Variants in LRRK1 observed in about 807,000 individuals in gnomAD.
The protein encoded by LRRK1 is leucine-rich repeat serine/threonine-protein kinase 1.
Under a neutral mutation model 209.1 loss-of-function variants are expected in LRRK1, and 113 were observed. The ratio of observed to expected loss-of-function variants is 0.54; its 90% CI spans 0.46 to 0.63. LRRK1 has a LOEUF of 0.63. Among genes scored for constraint, LRRK1 ranks in the 30% least tolerant of loss-of-function variants. LRRK1 has a pLI of 0.00. For missense variants in LRRK1, 2,284 were observed against 2,632.2 expected (o/e 0.87, Z 2.89); for synonymous variants, 1,144 against 1,099.7 (o/e 1.04, Z -0.80).
At chr15:101,053,170 G>C in intron 25 of LRRK1, 53 bp from the exon 26 acceptor site, 1 of 1,591,578 alleles carries the variant, frequency 6.3e-7, no homozygotes, top group South Asian at 1.1e-5. Context: ...AGAGAGGCCT[G>C]AGGCTGCAGG....
chr15:100,972,793 A>G (rs902277014), intron 2 of LRRK1, among the ~76,000 whole-genome samples: 11 of 152,180 alleles, frequency 7.2e-5, no homozygotes, highest in Non-Finnish European at 1.2e-4. Flanking sequence ...CCACACAGTC[A>G]GAATTCAACT....
chr15:101,033,338 C>T (rs565122752), intron 20 of LRRK1, among the ~76,000 whole-genome samples: 2 of 152,226 alleles, frequency 1.3e-5, no homozygotes, highest in African/African-American at 2.4e-5. Context: ...TGCTAACTAT[C>T]GTCACCCTAG....
At chr15:101,023,741 T>C (rs1410803445) in intron 15 of LRRK1, among the ~76,000 whole-genome samples, 4 of 152,326 alleles carry the variant, frequency 2.6e-5, no homozygotes, top group Admixed American at 2.6e-4. Flanking sequence ...AAAGTAGGCA[T>C]TGAAGCTGTG....
chr15:100,999,737 A>ATGTT (rs1022875040), intron 6 of LRRK1, among the ~76,000 whole-genome samples: 1 of 152,182 alleles, frequency 6.6e-6, no homozygotes, highest in African/African-American at 2.4e-5. Flanking sequence ...GTTTCATACA[A>ATGTT]TGTTTGTTTT....
At chr15:100,926,388 G>A (rs1216318039) in intron 2 of LRRK1, among the ~76,000 whole-genome samples, 1 of 152,090 alleles carries the variant, frequency 6.6e-6, no homozygotes, top group Non-Finnish European at 1.5e-5. Context: ...CGAGGGTGGG[G>A]ACAGGGACCT....
intron 21 of LRRK1, among the ~76,000 whole-genome samples, chr15:101,047,821 G>A: frequency 6.6e-6 from 1 of 152,178 alleles, no homozygotes; most frequent in East Asian, 1.9e-4. Flanking sequence ...AATCCGACTG[G>A]TAAACATCTA....
At position 101,012,653 on chromosome 15, in the gene LRRK1, CCTGCA is replaced by C. The variant is rs1567231957; in HGVS notation, c.1419+510_1419+514del. ...CCCCCAGGCAGAGTGCCCAGGCCAC[CCTGCA>C]CAGGCTTCAGCCCCCGGTCCTGCCA... On this transcript the variant is annotated intron_variant, in intron 10 of 33. Coordinates refer to ENST00000388948, the MANE Select transcript of LRRK1 (RefSeq NM_024652.6). Among the ~76,000 whole-genome samples, 4 of 6,026 alleles carry C rather than the reference CCTGCA, an allele frequency of 6.6e-4. No homozygotes were observed. The Non-Finnish European group carries it at 6.8e-3, about 10-fold the overall frequency. 4.0% of individuals were successfully genotyped at this position (6,026 alleles called of 152,430 possible).
intron 20 of LRRK1, among the ~76,000 whole-genome samples, chr15:101,041,671 A>C (rs2034762159): frequency 6.6e-6 from 1 of 152,092 alleles, no homozygotes; most frequent in African/African-American, 2.4e-5. Context: ...CACCCTCTGT[A>C]CTCTTGCTGT....
In LRRK1 at chr15:101,027,489, G is replaced by T; in HGVS notation, c.2526+108G>T. ...AGCCCATGTCTGTGTGGCAAGGCTC[G>T]GTGGTTCCTGGTGAGGGAGGGTCAG... On this transcript the variant is annotated intron_variant, in intron 18 of 33. Coordinates refer to ENST00000388948, the MANE Select transcript of LRRK1 (RefSeq NM_024652.6). This position sits in a 1 kb window ranked among gnomAD's most constrained non-coding sequence, Gnocchi z 5.1. 1 of 1,515,930 alleles carries T rather than the reference G, an allele frequency of 6.6e-7. No homozygotes were observed. The highest frequency in any genetic ancestry group is 8.9e-7 in the Non-Finnish European group (1 of 1,125,080). The allele number at this position is 1,515,930 out of a possible 1,614,324, so 93.9% of individuals were successfully genotyped here. A position where few individuals can be genotyped will look rare whatever the true frequency, so the allele number is the denominator to read the frequency against.
intron 29 of LRRK1, among the ~76,000 whole-genome samples, chr15:101,060,591 G>A (rs983314824): frequency 5.9e-5 from 9 of 152,212 alleles, no homozygotes; most frequent in Admixed American, 2.0e-4. Context: ...TGCGTGATGC[G>A]GGGTACATAA....
chr15:101,056,707 A>G lies in LRRK1; in HGVS notation c.4333-149A>G, dbSNP rs145391139. ...AGAAAGTGGTCAGATAGGTGGATGG[A>G]TAAATGGATAGAGGGACATGGTCAG... is the stretch of plus-strand genomic sequence containing the variant. On this transcript the variant is annotated intron_variant, in intron 27 of 33. Transcript: ENST00000388948. 7.3e-4 allele frequency: 416 copies of G among 566,300 alleles called. 5 individuals carry two copies. The East Asian group carries it at 9.1e-3, about 12-fold the overall frequency. The allele number at this position is 566,300 out of a possible 1,614,324, so 35.1% of individuals were successfully genotyped here.
rs1188820322 is a variant in LRRK1 at position 101,012,039 on chromosome 15, A to G, written c.1313A>G (p.Glu438Gly). ...TGTAAAGCTTCCAGAAATGCCCTGG[A>G]ATGTCTGCCAGACAAAATGGCTGTC... The part of the protein sequence containing the change: ...KCCKASRNAL[E>G]CLPDKMAVFW... Residue 438 changes from glutamate to glycine, a missense_variant, in exon 10 of 34, where the codon GAA becomes GGA. This residue lies in a region of LRRK1 where 494 missense variants were observed against 522.1 expected (regional missense o/e 0.95). Coordinates refer to ENST00000388948, the MANE Select transcript of LRRK1 (RefSeq NM_024652.6). 8 of 1,609,296 alleles carry G rather than the reference A, an allele frequency of 5.0e-6. No homozygotes were observed. Among genetic ancestry groups the G allele is most frequent in the Non-Finnish European group, 6.8e-6 (8 of 1,178,058 alleles).
At position 101,026,051 on chromosome 15, in the gene LRRK1, G is replaced by T. The variant is rs56251243; in HGVS notation, c.2319G>T (p.Thr773=). Residue 773 remains threonine, a synonymous_variant, in exon 17 of 34, where the codon ACG becomes ACT. Transcript: ENST00000388948. The part of the protein sequence containing the change: ...EAKFRVERIA[T]LRAYVLALCR... Reference sequence around the variant, plus strand: ...AGTTCCGTGTGGAAAGGATTGCAACGCTGCGTGCCTATGTGCTGGCACTCT... The same window carrying T: ...AGTTCCGTGTGGAAAGGATTGCAACTCTGCGTGCCTATGTGCTGGCACTCT... 6.2e-7 allele frequency: 1 copy of T among 1,614,242 alleles called. No individual in the cohort carries two copies. Among genetic ancestry groups the T allele is most frequent in the Non-Finnish European group, 8.5e-7 (1 of 1,180,022 alleles).
At chr15:101,012,354 G>T (rs1395903548) in intron 10 of LRRK1, among the ~76,000 whole-genome samples, 4 of 152,224 alleles carry the variant, frequency 2.6e-5, no homozygotes, top group African/African-American at 7.2e-5. Flanking sequence ...TCAGGTGGTG[G>T]TGGGGTTATG....
chr15:101,047,156 C>T (rs1021123928), intron 21 of LRRK1, among the ~76,000 whole-genome samples: 1 of 152,222 alleles, frequency 6.6e-6, no homozygotes, highest in Non-Finnish European at 1.5e-5. Flanking sequence ...ACTGTTGCTA[C>T]ATCCTAATTA....
At position 101,065,338 on chromosome 15, in the gene LRRK1, T is replaced by G; in HGVS notation, c.4915-14T>G. ...AATGGAAGGATGTGACACATCCCTG[T>G]CTCCTTCCTTCAGAATTCCTACCTG... On this transcript the variant is annotated splice_polypyrimidine_tract_variant and intron_variant, in intron 31 of 33. Transcript: ENST00000388948. 1 of 1,609,032 alleles carries G rather than the reference T, an allele frequency of 6.2e-7. No individual in the cohort carries two copies. The highest frequency in any genetic ancestry group is 8.5e-7 in the Non-Finnish European group (1 of 1,178,592).
Position 101,076,221 on chromosome 15 carries a change from C to T in LRRK1, c.*7373C>T, listed in dbSNP as rs1163205155. 3.3e-5 allele frequency: 5 copies of T among 152,280 alleles called. No individual in the cohort carries two copies. In the East Asian group the frequency reaches 9.7e-4, roughly 29 times the overall value. 9.4% of individuals were successfully genotyped at this position (152,280 alleles called of 1,614,324 possible). On this transcript the variant is annotated 3_prime_UTR_variant, in exon 34 of 34. Coordinates refer to ENST00000388948, the MANE Select transcript of LRRK1 (RefSeq NM_024652.6). ...GCTGCCACCCTAATACTTTTAGAGG[C>T]CCTCAAAATCACAAACTATGCTCAA...
At chr15:100,967,153 G>A (rs1156448227) in intron 2 of LRRK1, among the ~76,000 whole-genome samples, 2 of 152,176 alleles carry the variant, frequency 1.3e-5, no homozygotes, top group African/African-American at 2.4e-5. Flanking sequence ...CCTGCTAATG[G>A]CCTTTCTCCC....
In LRRK1 at chr15:101,065,385, G is replaced by A; in HGVS notation, c.4948G>A (p.Gly1650Arg). ...CCTGGTCTTAGCGGGCCTCGCCGATGGGCTTGTGGCTGTGTTTCCCGTGGT... is the reference window on the plus strand; with the variant it reads ...CCTGGTCTTAGCGGGCCTCGCCGATAGGCTTGTGGCTGTGTTTCCCGTGGT... ...SYLVLAGLAD[G>R]LVAVFPVVRG... is the part of the protein sequence containing the mutation. The change falls in exon 32 of 34, where the codon GGG (glycine) becomes AGG (arginine). Residue 1650 changes from glycine (G) to arginine (R), a missense_variant. Physicochemically the swap from Gly to Arg is moderately radical, Grantham distance 125. Coordinates refer to ENST00000388948, the MANE Select transcript of LRRK1 (RefSeq NM_024652.6). 1.2e-6 allele frequency: 2 copies of A among 1,614,072 alleles called. No homozygotes were observed. Among genetic ancestry groups the A allele is most frequent in the Non-Finnish European group, 1.7e-6 (2 of 1,180,020 alleles).
Sources: gnomAD v4.1 joint callset for allele counts (sites outside exome capture counted in the v4.1 genomes callset) on GRCh38, gnomAD v4.1.1 for gene constraint, gnomAD v4.1.1 regional missense constraint, Gnocchi (gnomAD v3.1) non-coding constraint, MANE v1.5 for transcripts, NCBI Gene and HGNC (gene_info 2026-07-23, HGNC 2026-07-21) for gene names.